SCRT1: variants seen among roughly 807,000 people sequenced by gnomAD.
SCRT1 encodes transcriptional repressor scratch 1.
Under a neutral mutation model 3.4 loss-of-function variants are expected in SCRT1, and 1 was observed. The observed-to-expected ratio is 0.29, with a 90% confidence interval of 0.10 to 1.39. The LOEUF is 1.39. Ranked by LOEUF, SCRT1 falls within the 40% of genes most tolerant of loss-of-function variation. The pLI, the probability that SCRT1 is intolerant of heterozygous loss-of-function variation, is 0.42. For missense variants in SCRT1, 380 were observed against 526.3 expected (o/e 0.72, Z 2.72); for synonymous variants, 238 against 247.0 (o/e 0.96, Z 0.34).
In SCRT1 at chr8:144,332,821, C is replaced by T. The variant is rs1382128614; in HGVS notation, c.*364G>A. 3.5e-5 allele frequency: 7 copies of T among 202,404 alleles called. No individual in the cohort carries two copies. The East Asian group carries it at 7.8e-4, about 22-fold the overall frequency. The allele number at this position is 202,404 out of a possible 1,614,324, so 12.5% of individuals were successfully genotyped here. A position where few individuals can be genotyped will look rare whatever the true frequency, so the allele number is the denominator to read the frequency against. ...GGGGAAGACCTGAGTCCCTGCGACG[C>T]GATCCAGGGGCGCAGAGGCGGGAGA... On this transcript the variant is annotated 3_prime_UTR_variant, in exon 2 of 2. Coordinates refer to ENST00000569446, the MANE Select transcript of SCRT1 (RefSeq NM_031309.6).
rs1817741799 is a variant in SCRT1 at position 144,331,266 on chromosome 8, T to C, written c.*1919A>G. The C allele has an allele frequency of 6.6e-6, 1 of 152,250 alleles. No individual in the cohort carries two copies. Among genetic ancestry groups the C allele is most frequent in the Non-Finnish European group, 1.5e-5 (1 of 68,060 alleles). The allele number at this position is 152,250 out of a possible 1,614,324, so 9.4% of individuals were successfully genotyped here. ...GCACCTTCTTCTCCAGCCATGGCTC[T>C]GCCCCTGGCTGGACATGGCAGATGT... On this transcript the variant is annotated 3_prime_UTR_variant, in exon 2 of 2. Transcript: ENST00000569446.
At position 144,333,843 on chromosome 8, in the gene SCRT1, T is replaced by G; in HGVS notation, c.389A>C (p.Asn130Thr). 1 of 1,234,142 alleles carries G rather than the reference T, an allele frequency of 8.1e-7. No homozygotes were observed. Among genetic ancestry groups the G allele is most frequent in the Non-Finnish European group, 1.0e-6 (1 of 989,088 alleles). The allele number at this position is 1,234,142 out of a possible 1,614,324, so 76.4% of individuals were successfully genotyped here. ...GGAGGGAGCGGCGGCAGCGCCGGCA[T>G]TGGAAGCCTTACGCCGCGAGCGCCC... ...TDGRSRRKAS[N>T]AGAAAAPSTA... The change falls in exon 2 of 2, where the codon AAT (asparagine) becomes ACT (threonine). Residue 130 changes from asparagine (N) to threonine (T), a missense_variant. By Grantham distance (65) the Asn-to-Thr change is moderately conservative. Around this residue, in one of 5 missense-constraint regions of SCRT1, gnomAD observed 115 missense variants for 107.3 expected, o/e 1.07. Transcript: ENST00000569446.
At position 144,335,965 on chromosome 8, in the gene SCRT1, C is replaced by T. The variant is rs912808120; in HGVS notation, c.115+90G>A. 12 of 877,494 alleles carry T rather than the reference C, an allele frequency of 1.4e-5. No individual in the cohort carries two copies. The highest frequency in any genetic ancestry group is 1.9e-5 in the Non-Finnish European group (11 of 591,412). The allele number at this position is 877,494 out of a possible 1,614,324, so 54.4% of individuals were successfully genotyped here. A position where few individuals can be genotyped will look rare whatever the true frequency, so the allele number is the denominator to read the frequency against. ...TCTGGTTCCCTTCAGTCTGTTTCCC[C>T]GGGCCCTGCCCTCCGCCCCCACACT... On this transcript the variant is annotated intron_variant, in intron 1 of 1. Transcript: ENST00000569446. The surrounding 1 kb of genome is among the most constrained non-coding windows in gnomAD (Gnocchi z 7.7).
rs1817786513 is a variant in SCRT1, at chr8:144,332,402, G to GGGT, written c.*782_*783insACC. ...ACACGAATGCCTGGGGTACGGGGGT[G>GGGT]GGGGGTGGGGGCCCGGGGCAGGGCG... On this transcript the variant is annotated 3_prime_UTR_variant, in exon 2 of 2. Transcript: ENST00000569446. 3.7e-5 allele frequency: 1 copy of GGGT among 27,022 alleles called. No homozygotes were observed. Among genetic ancestry groups the GGGT allele is most frequent in the African/African-American group, 1.1e-4 (1 of 9,196 alleles). 1.7% of individuals were successfully genotyped at this position (27,022 alleles called of 1,614,324 possible). A position where few individuals can be genotyped will look rare whatever the true frequency, so the allele number is the denominator to read the frequency against.
rs1817868088 is a variant in SCRT1 at position 144,335,141 on chromosome 8, G to C, written c.115+914C>G. Reference sequence around the variant, plus strand: ...GCCCTCACAGGGTGGGCTGCACACTGATGTGCCGAACTCACCACCTCCTCA... The same window carrying C: ...GCCCTCACAGGGTGGGCTGCACACTCATGTGCCGAACTCACCACCTCCTCA... On this transcript the variant is annotated intron_variant, in intron 1 of 1. Coordinates refer to ENST00000569446, the MANE Select transcript of SCRT1 (RefSeq NM_031309.6). This position sits in a 1 kb window ranked among gnomAD's most constrained non-coding sequence, Gnocchi z 7.7. Among the ~76,000 whole-genome samples the C allele has an allele frequency of 6.6e-6, 1 of 152,218 alleles. No individual in the cohort carries two copies. The highest frequency in any genetic ancestry group is 6.5e-5 in the Admixed American group (1 of 15,282).
Position 144,333,134 on chromosome 8 carries a change from TG to T in SCRT1, c.*50del. Reference sequence around the variant, plus strand: ...ACCCGGACGCCAGCGAAGACTTCCCTGGGGGGCCGTATTGCTGAGAGCCGAC... The same window carrying T: ...ACCCGGACGCCAGCGAAGACTTCCCTGGGGGCCGTATTGCTGAGAGCCGAC... On this transcript the variant is annotated 3_prime_UTR_variant, in exon 2 of 2. Transcript: ENST00000569446. The T allele has an allele frequency of 7.1e-7, 1 of 1,399,312 alleles. No individual in the cohort carries two copies. The highest frequency in any genetic ancestry group is 9.4e-7 in the Non-Finnish European group (1 of 1,065,476). The allele number at this position is 1,399,312 out of a possible 1,614,324, so 86.7% of individuals were successfully genotyped here.
intron 1 of SCRT1, among the ~76,000 whole-genome samples, chr8:144,334,634 G>T (rs1296048956): frequency 6.6e-6 from 1 of 152,068 alleles, no homozygotes; most frequent in Non-Finnish European, 1.5e-5. Context: ...CCTCTGGCCT[G>T]CAGAACGTGC....
In SCRT1 at chr8:144,332,406, G is replaced by T. The variant is rs1309628679; in HGVS notation, c.*779C>A. ...GAATGCCTGGGGTACGGGGGTGGGGGGTGGGGGCCCGGGGCAGGGCGGAAG... is the reference window on the plus strand; with the variant it reads ...GAATGCCTGGGGTACGGGGGTGGGGTGTGGGGGCCCGGGGCAGGGCGGAAG... On this transcript the variant is annotated 3_prime_UTR_variant, in exon 2 of 2. Coordinates refer to ENST00000569446, the MANE Select transcript of SCRT1 (RefSeq NM_031309.6). 2 of 147,800 alleles carry T rather than the reference G, an allele frequency of 1.4e-5. No homozygotes were observed. Among genetic ancestry groups the T allele is most frequent in the Middle Eastern group, 3.2e-3 (1 of 314 alleles). The allele number at this position is 147,800 out of a possible 1,614,324, so 9.2% of individuals were successfully genotyped here.
In SCRT1 at chr8:144,330,672, G is replaced by C. The variant is rs1309039759; in HGVS notation, c.*2513C>G. 6.6e-6 allele frequency: 1 copy of C among 152,038 alleles called. No individual in the cohort carries two copies. Among genetic ancestry groups the C allele is most frequent in the Non-Finnish European group, 1.5e-5 (1 of 68,012 alleles). The allele number at this position is 152,038 out of a possible 1,614,324, so 9.4% of individuals were successfully genotyped here. A position where few individuals can be genotyped will look rare whatever the true frequency, so the allele number is the denominator to read the frequency against. On this transcript the variant is annotated 3_prime_UTR_variant, in exon 2 of 2. Coordinates refer to ENST00000569446, the MANE Select transcript of SCRT1 (RefSeq NM_031309.6). Reference sequence around the variant, plus strand: ...TGTCCGTCCGTCCGTCTGTCCGGCCGGCCTGGCCCCAAATGGGGGCGGAAG... The same window carrying C: ...TGTCCGTCCGTCCGTCTGTCCGGCCCGCCTGGCCCCAAATGGGGGCGGAAG...
chr8:144,333,790 C>T lies in SCRT1; in HGVS notation c.442G>A (p.Asp148Asn). The T allele has an allele frequency of 1.7e-6, 2 of 1,210,922 alleles. No individual in the cohort carries two copies. Among genetic ancestry groups the T allele is most frequent in the Non-Finnish European group, 2.1e-6 (2 of 975,120 alleles). The allele number at this position is 1,210,922 out of a possible 1,614,324, so 75.0% of individuals were successfully genotyped here. Residue 148 changes from aspartate to asparagine, a missense_variant, in exon 2 of 2, where the codon GAC (aspartate) becomes AAC (asparagine). Around this residue, in one of 5 missense-constraint regions of SCRT1, gnomAD observed 115 missense variants for 107.3 expected, o/e 1.07. Transcript: ENST00000569446. ...CCCGCCCCGCCCCCGCCTCCGGCGT[C>T]GCCGTCGGGGGCCGCCGCCGAGGCT... ...STASAAAPDGDAGGGGGAGGR... is the reference protein window; with the variant it reads ...STASAAAPDGNAGGGGGAGGR...
At position 144,331,441 on chromosome 8, in the gene SCRT1, G is replaced by C. The variant is rs988595267; in HGVS notation, c.*1744C>G. 3.3e-5 allele frequency: 5 copies of C among 152,532 alleles called. No individual in the cohort carries two copies. The highest frequency in any genetic ancestry group is 3.4e-3 in the Middle Eastern group (1 of 296). 9.4% of individuals were successfully genotyped at this position (152,532 alleles called of 1,614,324 possible). On this transcript the variant is annotated 3_prime_UTR_variant, in exon 2 of 2. Transcript: ENST00000569446. ...CTGGTTGAGGTGGGGAGGAGTGTAG[G>C]GGGCATGTGAACCTAGGGACCTGGT...
rs1554850061 is a variant in SCRT1, at chr8:144,334,102, A to G, written c.130T>C (p.Tyr44His). ...TCGTAGACGGACGAGGGCCCCACGT[A>G]GTCGCTGAGGTACCCTGCGGGCGGA... is the stretch of plus-strand genomic sequence containing the variant. ...PLHDKGYLSD[Y>H]VGPSSVYDGD... Residue 44 changes from tyrosine to histidine, a missense_variant, in exon 2 of 2, where the codon TAC becomes CAC. Around this residue, in one of 5 missense-constraint regions of SCRT1, gnomAD observed 125 missense variants for 132.7 expected, o/e 0.94. Coordinates refer to ENST00000569446, the MANE Select transcript of SCRT1 (RefSeq NM_031309.6). The G allele has an allele frequency of 1.3e-5, 18 of 1,369,930 alleles. No individual in the cohort carries two copies. The highest frequency in any genetic ancestry group is 1.4e-5 in the Non-Finnish European group (15 of 1,040,368). The allele number at this position is 1,369,930 out of a possible 1,614,324, so 84.9% of individuals were successfully genotyped here. A position where few individuals can be genotyped will look rare whatever the true frequency, so the allele number is the denominator to read the frequency against.
Position 144,332,356 on chromosome 8 carries a change from GC to G in SCRT1, c.*828del, listed in dbSNP as rs1817783455. On this transcript the variant is annotated 3_prime_UTR_variant, in exon 2 of 2. Coordinates refer to ENST00000569446, the MANE Select transcript of SCRT1 (RefSeq NM_031309.6). ...GGGCAGCGCCCAGGCCTGCCTGCCG[GC>G]CCCGGGAATCCGTCCTCCAACACGA... 1.5e-5 allele frequency: 2 copies of G among 132,956 alleles called. No homozygotes were observed. The highest frequency in any genetic ancestry group is 3.1e-5 in the Non-Finnish European group (2 of 63,546). The allele number at this position is 132,956 out of a possible 1,614,324, so 8.2% of individuals were successfully genotyped here. A position where few individuals can be genotyped will look rare whatever the true frequency, so the allele number is the denominator to read the frequency against.
At position 144,336,120 on chromosome 8, in the gene SCRT1, G is replaced by C. The variant is rs782004425; in HGVS notation, c.50C>G (p.Ser17Trp). Residue 17 changes from serine to tryptophan, a missense_variant, in exon 1 of 2, where the codon TCG becomes TGG. Physicochemically the swap from Ser to Trp is radical, Grantham distance 177. Around this residue, in one of 5 missense-constraint regions of SCRT1, gnomAD observed 125 missense variants for 132.7 expected, o/e 0.94. Coordinates refer to ENST00000569446, the MANE Select transcript of SCRT1 (RefSeq NM_031309.6). The surrounding 1 kb of genome is among the most constrained non-coding windows in gnomAD (Gnocchi z 6.8). Reference sequence around the variant, plus strand: ...TCCGTAGGCGCTCTCCAGGTCGGCCGAAGAGAACGCGTCAAGTTTGACCTT... The same window carrying C: ...TCCGTAGGCGCTCTCCAGGTCGGCCCAAGAGAACGCGTCAAGTTTGACCTT... ...VKKVKLDAFS[S>W]ADLESAYGRA... 6.2e-7 allele frequency: 1 copy of C among 1,610,630 alleles called. No homozygotes were observed. Among genetic ancestry groups the C allele is most frequent in the African/African-American group, 1.3e-5 (1 of 74,824 alleles).
At position 144,334,132 on chromosome 8, in the gene SCRT1, G is replaced by A. The variant is rs1554850071; in HGVS notation, c.116-16C>T. On this transcript the variant is annotated splice_polypyrimidine_tract_variant and intron_variant, in intron 1 of 1. Coordinates refer to ENST00000569446, the MANE Select transcript of SCRT1 (RefSeq NM_031309.6). ...CTGAGGTACCCTGCGGGCGGAGGCGGACGGACAGCGGGAAGGGAATGGGGC... is the reference window on the plus strand; with the variant it reads ...CTGAGGTACCCTGCGGGCGGAGGCGAACGGACAGCGGGAAGGGAATGGGGC... 4.1e-6 allele frequency: 6 copies of A among 1,455,156 alleles called. No individual in the cohort carries two copies. The highest frequency in any genetic ancestry group is 2.5e-4 in the Middle Eastern group (1 of 4,034). The allele number at this position is 1,455,156 out of a possible 1,614,324, so 90.1% of individuals were successfully genotyped here.
chr8:144,333,185 C>T lies in SCRT1; in HGVS notation c.1047G>A (p.Ter349=). The change falls in exon 2 of 2, where the codon TAG becomes TAA. Residue 349 remains the stop codon, a stop_retained_variant. Coordinates refer to ENST00000569446, the MANE Select transcript of SCRT1 (RefSeq NM_031309.6). The part of the protein sequence containing the change: ...APPQLSPVQA[*] ...CCTGGCTGGGGGAGGCCCCGCCGCC[C>T]TAGGCCTGCACAGGGCTGAGCTGTG... 2 of 1,539,232 alleles carry T rather than the reference C, an allele frequency of 1.3e-6. No homozygotes were observed. Among genetic ancestry groups the T allele is most frequent in the Non-Finnish European group, 1.7e-6 (2 of 1,147,958 alleles).
At position 144,333,796 on chromosome 8, in the gene SCRT1, C is replaced by T. The variant is rs1817840573; in HGVS notation, c.436G>A (p.Asp146Asn). 2.5e-6 allele frequency: 3 copies of T among 1,214,360 alleles called. No individual in the cohort carries two copies. The highest frequency in any genetic ancestry group is 3.1e-6 in the Non-Finnish European group (3 of 977,310). The allele number at this position is 1,214,360 out of a possible 1,614,324, so 75.2% of individuals were successfully genotyped here. A position where few individuals can be genotyped will look rare whatever the true frequency, so the allele number is the denominator to read the frequency against. ...APSTASAAAP[D>N]GDAGGGGGAG... ...CCGCCCCCGCCTCCGGCGTCGCCGT[C>T]GGGGGCCGCCGCCGAGGCTGTGGAG... Residue 146 changes from aspartate to asparagine, a missense_variant, in exon 2 of 2, where the codon GAC becomes AAC. Transcript: ENST00000569446.
Position 144,332,900 on chromosome 8 carries a change from G to A in SCRT1, c.*285C>T, listed in dbSNP as rs1053418753. On this transcript the variant is annotated 3_prime_UTR_variant, in exon 2 of 2. Coordinates refer to ENST00000569446, the MANE Select transcript of SCRT1 (RefSeq NM_031309.6). ...CCCGTCTTCAGAGACCCAACTCGGAGATGAGGTTCGGTTCTAGGTCTCGTC... is the reference window on the plus strand; with the variant it reads ...CCCGTCTTCAGAGACCCAACTCGGAAATGAGGTTCGGTTCTAGGTCTCGTC... The A allele has an allele frequency of 2.6e-6, 1 of 378,984 alleles. No homozygotes were observed. Among genetic ancestry groups the A allele is most frequent in the East Asian group, 4.1e-5 (1 of 24,146 alleles). The allele number at this position is 378,984 out of a possible 1,614,324, so 23.5% of individuals were successfully genotyped here.
At position 144,332,285 on chromosome 8, in the gene SCRT1, C is replaced by T. The variant is rs936101641; in HGVS notation, c.*900G>A. ...AAAAGAAACCCGACGCGTCCGCAAC[C>T]CCCCCAGGGGGCTTTACCCGCAAAG... On this transcript the variant is annotated 3_prime_UTR_variant, in exon 2 of 2. Transcript: ENST00000569446. 1.3e-5 allele frequency: 2 copies of T among 152,168 alleles called. No individual in the cohort carries two copies. Among genetic ancestry groups the T allele is most frequent in the African/African-American group, 4.8e-5 (2 of 41,400 alleles). The allele number at this position is 152,168 out of a possible 1,614,324, so 9.4% of individuals were successfully genotyped here. A position where few individuals can be genotyped will look rare whatever the true frequency, so the allele number is the denominator to read the frequency against.
Sources: allele counts gnomAD v4.1 joint callset (sites outside exome capture counted in the v4.1 genomes callset), GRCh38; gene constraint gnomAD v4.1.1; regional missense constraint gnomAD v4.1.1; non-coding constraint Gnocchi (gnomAD v3.1); transcripts MANE v1.5; gene names NCBI Gene and HGNC (gene_info 2026-07-23, HGNC 2026-07-21).